The following TTI1 variants were observed in gnomAD, a reference collection of about 807,000 sequenced individuals.
The protein encoded by TTI1 is TELO2-interacting protein 1 homolog.
A neutral mutation model predicts 85.4 loss-of-function variants in TTI1; 52 were observed. The ratio of observed to expected loss-of-function variants is 0.61; its 90% CI spans 0.49 to 0.77. The LOEUF is 0.77. Among genes scored for constraint, TTI1 ranks in the 30% least tolerant of loss-of-function variants. The pLI, the probability that TTI1 is intolerant of heterozygous loss-of-function variation, is 0.00. For missense variants in TTI1, 1,173 were observed against 1,296.0 expected, an observed-to-expected ratio of 0.91 and a Z score of 1.46; for synonymous variants, 512 against 503.9, an observed-to-expected ratio of 1.02 and a Z score of -0.22.
intron 1 of TTI1, among the ~76,000 whole-genome samples, chr20:38,027,198 G>A (rs1198930352): frequency 2.6e-5 from 4 of 152,218 alleles, no homozygotes. Context: ...ACCAAAATCA[G>A]AGGATGTTGA....
chr20:37,989,593 T>C (rs981562758), intron 7 of TTI1, among the ~76,000 whole-genome samples: 3 of 152,218 alleles, frequency 2.0e-5, no homozygotes, highest in Non-Finnish European at 2.9e-5. Context: ...CAAGCCTAGA[T>C]CCCACGACAG....
intron 1 of TTI1, 187 bp from the exon 2 acceptor site, chr20:38,014,044 C>A (rs13037289): frequency 0.049 from 28,008 of 573,030 alleles, 1,050 homozygotes; most frequent in East Asian, 0.16. Flanking sequence ...ACAATAAAGT[C>A]TCTTCAGGAT....
intron 7 of TTI1, among the ~76,000 whole-genome samples, chr20:37,992,029 T>A (rs1472835555): frequency 6.6e-6 from 1 of 152,192 alleles, no homozygotes; most frequent in Non-Finnish European, 1.5e-5. Flanking sequence ...ACTTTTTCTC[T>A]CACACACAAT....
intron 1 of TTI1, among the ~76,000 whole-genome samples, chr20:38,023,631 G>C (rs2073798776): frequency 6.6e-6 from 1 of 152,236 alleles, no homozygotes. Context: ...GAATGGTATA[G>C]TGTTACAGCT....
At chr20:38,005,586 T>C (rs1273113550) in intron 3 of TTI1, among the ~76,000 whole-genome samples, 2 of 152,186 alleles carry the variant, frequency 1.3e-5, no homozygotes, top group African/African-American at 4.8e-5. Context: ...GACCCATTTT[T>C]CACCTATTAA....
chr20:37,998,578 G>A (rs2073375916), intron 5 of TTI1, among the ~76,000 whole-genome samples: 1 of 152,132 alleles, frequency 6.6e-6, no homozygotes, highest in Non-Finnish European at 1.5e-5. Flanking sequence ...AACTAAGCCA[G>A]GGAGAATAAT....
In TTI1 at chr20:37,996,768, G is replaced by A. The variant is rs2073347053; in HGVS notation, c.2979C>T (p.Leu993=). The change falls in exon 6 of 8, where the codon CTC becomes CTT. Residue 993 remains leucine, a synonymous_variant. Coordinates refer to ENST00000373447, the MANE Select transcript of TTI1 (RefSeq NM_001303457.2). Reference sequence around the variant, plus strand: ...ACCCACCTAGGTCCAGTCTCTCACAGAGGGGGCCCAGGCCCTGTAAGACAG... The same window carrying A: ...ACCCACCTAGGTCCAGTCTCTCACAAAGGGGGCCCAGGCCCTGTAAGACAG... ...QLAVLQGLGP[L]CERLDLGEGD... 1 of 1,611,844 alleles carries A rather than the reference G, an allele frequency of 6.2e-7. No individual in the cohort carries two copies. Among genetic ancestry groups the A allele is most frequent in the Non-Finnish European group, 8.5e-7 (1 of 1,178,388 alleles).
chr20:38,024,149 T>C (rs1050209568), intron 1 of TTI1, among the ~76,000 whole-genome samples: 1 of 152,134 alleles, frequency 6.6e-6, no homozygotes, highest in Non-Finnish European at 1.5e-5. Flanking sequence ...ACACAGAATA[T>C]ATATACAAAT....
chr20:38,032,193 G>A (rs1320139261), intron 1 of TTI1, among the ~76,000 whole-genome samples: 2 of 152,210 alleles, frequency 1.3e-5, no homozygotes, highest in Non-Finnish European at 2.9e-5. Context: ...GCTGTCCAAA[G>A]GGGGATAATA....
At chr20:38,006,163 G>GA in intron 3 of TTI1, 34 bp downstream of exon 3, 1 of 1,610,786 alleles carries the variant, frequency 6.2e-7, no homozygotes, top group Non-Finnish European at 8.5e-7. Flanking sequence ...GTTTCAGAAA[G>GA]AAAAAACCAG....
At chr20:38,005,436 G>A (rs182420071) in intron 3 of TTI1, among the ~76,000 whole-genome samples, 92 of 152,182 alleles carry the variant, frequency 6.0e-4, no homozygotes, top group African/African-American at 2.0e-3. Flanking sequence ...GAAAAAGACT[G>A]CAATCTCCTC....
chr20:38,024,664 A>T (rs200835421), intron 1 of TTI1, among the ~76,000 whole-genome samples: 2 of 152,152 alleles, frequency 1.3e-5, no homozygotes. Context: ...CACTACAGAA[A>T]ATAAGGCGGC....
chr20:37,989,551 T>C (rs1319042069), intron 7 of TTI1, among the ~76,000 whole-genome samples: 1 of 152,212 alleles, frequency 6.6e-6, no homozygotes, highest in Non-Finnish European at 1.5e-5. Flanking sequence ...GCCCTTTCCA[T>C]CTGGCCAGTT....
chr20:38,014,047 T>G, intron 1 of TTI1, 190 bp from the exon 2 acceptor site: 1 of 567,472 alleles, frequency 1.8e-6, no homozygotes, highest in Non-Finnish European at 3.0e-6. Flanking sequence ...ATAAAGTCTC[T>G]TCAGGATTAG....
At chr20:37,987,143 C>T (rs2073201901) in intron 7 of TTI1, 1 of 456,688 alleles carries the variant, frequency 2.2e-6, no homozygotes, top group Non-Finnish European at 4.4e-6. Context: ...GGGAGCTGAG[C>T]CTGAGGCCCA....
At chr20:38,031,868 C>G (rs920125537) in intron 1 of TTI1, among the ~76,000 whole-genome samples, 3 of 152,180 alleles carry the variant, frequency 2.0e-5, no homozygotes, top group African/African-American at 7.2e-5. Flanking sequence ...GTAATAATTT[C>G]AACTCCTAAG....
intron 4 of TTI1, chr20:38,000,513 G>GGCCCGCGCAGGCTTCCCT (rs1568614684): frequency 6.4e-6 from 1 of 155,082 alleles, no homozygotes; most frequent in African/African-American, 2.4e-5. Context: ...CCACATGGAC[G>GGCCCGCGCAGGCTTCCCT]CCCAACCTTC....
intron 2 of TTI1, among the ~76,000 whole-genome samples, chr20:38,009,663 A>G (rs968212841): frequency 1.3e-5 from 2 of 151,644 alleles, no homozygotes; most frequent in African/African-American, 4.9e-5. Context: ...GCCACTCCCA[A>G]CTAATTTTTT....
At chr20:37,998,173 CT>C (rs1258578443) in intron 5 of TTI1, among the ~76,000 whole-genome samples, 3 of 152,240 alleles carry the variant, frequency 2.0e-5, no homozygotes, top group Admixed American at 2.0e-4. Flanking sequence ...TGTGATCCAC[CT>C]GCCTCCGCCT....
Sources: gnomAD v4.1 joint callset for allele counts (sites outside exome capture counted in the v4.1 genomes callset) on GRCh38, gnomAD v4.1.1 for gene constraint, MANE v1.5 for transcripts, NCBI Gene and HGNC (gene_info 2026-07-23, HGNC 2026-07-21) for gene names.